Variants in NDUFAF2 observed in about 807,000 individuals in gnomAD.
NDUFAF2 encodes the protein NADH dehydrogenase [ubiquinone] 1 alpha subcomplex assembly factor 2.
Under a neutral mutation model 22.8 loss-of-function variants are expected in NDUFAF2, and 13 were observed. The observed-to-expected ratio is 0.57, with a 90% CI of 0.37 to 0.91. NDUFAF2 has a LOEUF of 0.91. Among genes scored for constraint, NDUFAF2 ranks in the 40% least tolerant of loss-of-function variants. The pLI is 0.01. For synonymous variants in NDUFAF2, 53 were observed against 64.2 expected, an observed-to-expected ratio of 0.83 and a Z score of 0.84; for missense variants, 162 against 195.2, an observed-to-expected ratio of 0.83 and a Z score of 1.01.
chr5:61,049,890 C>CACAT (rs1414541595), intron 1 of NDUFAF2, among the ~76,000 whole-genome samples: 2 of 148,840 alleles, frequency 1.3e-5, no homozygotes, highest in Non-Finnish European at 3.0e-5. Context: ...AAATTATACA[C>CACAT]ACACACACAC....
intron 1 of NDUFAF2, among the ~76,000 whole-genome samples, chr5:61,001,983 G>T (rs184597283): frequency 8.9e-4 from 135 of 152,202 alleles, no homozygotes; most frequent in African/African-American, 3.1e-3. Context: ...GAGAGGAAAG[G>T]GTTGGTAGGA....
chr5:61,003,549 A>G (rs964533512), intron 1 of NDUFAF2, among the ~76,000 whole-genome samples: 2 of 151,666 alleles, frequency 1.3e-5, no homozygotes, highest in African/African-American at 2.4e-5. Context: ...GCAGTCCCCT[A>G]TGTGAAATGT....
At chr5:60,947,286 T>C (rs1441987722) in intron 1 of NDUFAF2, among the ~76,000 whole-genome samples, 1 of 152,184 alleles carries the variant, frequency 6.6e-6, no homozygotes, top group Non-Finnish European at 1.5e-5. Context: ...CAGCACTTAG[T>C]ATTATCTGAT....
At chr5:60,973,184 C>A (rs1750858668) in intron 1 of NDUFAF2, among the ~76,000 whole-genome samples, 1 of 152,094 alleles carries the variant, frequency 6.6e-6, no homozygotes, top group South Asian at 2.1e-4. Context: ...GCTAAAGTTG[C>A]CCCAGTTAAC....
At chr5:60,976,887 AG>A (rs1317759121) in intron 1 of NDUFAF2, among the ~76,000 whole-genome samples, 1 of 152,198 alleles carries the variant, frequency 6.6e-6, no homozygotes, top group Non-Finnish European at 1.5e-5. Flanking sequence ...CATCAAAACC[AG>A]GGCCAGCTTC....
At chr5:61,049,952 G>T (rs1429179187) in intron 1 of NDUFAF2, among the ~76,000 whole-genome samples, 1 of 150,992 alleles carries the variant, frequency 6.6e-6, no homozygotes, top group Non-Finnish European at 1.5e-5. Context: ...GGACACTTGG[G>T]TTGTTTCCAT....
At chr5:61,118,079 T>G (rs1363892486) in intron 3 of NDUFAF2, among the ~76,000 whole-genome samples, 1 of 152,188 alleles carries the variant, frequency 6.6e-6, no homozygotes, top group Non-Finnish European at 1.5e-5. Context: ...ACTATCTACC[T>G]GAGAACTCTT....
At chr5:61,051,258 C>T (rs1407742839) in intron 1 of NDUFAF2, among the ~76,000 whole-genome samples, 1 of 152,088 alleles carries the variant, frequency 6.6e-6, no homozygotes, top group Non-Finnish European at 1.5e-5. Flanking sequence ...TTTCTCTTTA[C>T]TTCACAATTC....
chr5:61,141,255 T>C (rs1325159109), intron 3 of NDUFAF2, among the ~76,000 whole-genome samples: 1 of 151,810 alleles, frequency 6.6e-6, no homozygotes. Context: ...TTAATAATAA[T>C]AATAATAATT....
chr5:61,127,954 G>A (rs1220433780), intron 3 of NDUFAF2, among the ~76,000 whole-genome samples: 1 of 152,100 alleles, frequency 6.6e-6, no homozygotes, highest in Non-Finnish European at 1.5e-5. Context: ...CAAAGTCTCA[G>A]GATATAAAAT....
chr5:60,986,111 G>T (rs757170493), intron 1 of NDUFAF2, among the ~76,000 whole-genome samples: 1 of 152,028 alleles, frequency 6.6e-6, no homozygotes, highest in Non-Finnish European at 1.5e-5. Context: ...TAAAAATAGG[G>T]CTACCATGTG....
intron 3 of NDUFAF2, among the ~76,000 whole-genome samples, chr5:61,107,090 C>CACACACACACACACACACACACACAT (rs918380662): frequency 7.5e-5 from 11 of 146,170 alleles, no homozygotes; most frequent in African/African-American, 2.4e-4. Context: ...CACACACACA[C>CACACACACACACACACACACACACAT]ATATATGCCT....
chr5:61,063,090 A>G (rs1273004507), intron 1 of NDUFAF2, among the ~76,000 whole-genome samples: 1 of 152,184 alleles, frequency 6.6e-6, no homozygotes, highest in Non-Finnish European at 1.5e-5. Context: ...GATGACAATT[A>G]CTATCATGAA....
At chr5:61,137,561 T>C (rs1740982767) in intron 3 of NDUFAF2, among the ~76,000 whole-genome samples, 1 of 152,176 alleles carries the variant, frequency 6.6e-6, no homozygotes, top group African/African-American at 2.4e-5. Context: ...AAGTATGAGA[T>C]TTAGCTAGCC....
intron 3 of NDUFAF2, among the ~76,000 whole-genome samples, chr5:61,132,231 G>T (rs184918261): frequency 3.4e-3 from 522 of 152,296 alleles, no homozygotes; most frequent in South Asian, 0.025. Context: ...ATCTCTCGAG[G>T]ATTTAGAACA....
chr5:61,004,573 T>G (rs1227787060), intron 1 of NDUFAF2, among the ~76,000 whole-genome samples: 1 of 152,128 alleles, frequency 6.6e-6, no homozygotes, highest in Non-Finnish European at 1.5e-5. Flanking sequence ...CATGAAAATA[T>G]GTATATTTGT....
intron 2 of NDUFAF2, among the ~76,000 whole-genome samples, chr5:61,090,638 T>C (rs562047292): frequency 1.3e-5 from 2 of 152,198 alleles, no homozygotes; most frequent in African/African-American, 4.8e-5. Context: ...AAAAGGAAGC[T>C]GTTTTCTAGA....
intron 1 of NDUFAF2, among the ~76,000 whole-genome samples, chr5:61,000,662 C>G (rs1399310649): frequency 1.3e-5 from 2 of 150,254 alleles, no homozygotes; most frequent in African/African-American, 4.9e-5. Context: ...TTAAGAAGAC[C>G]TGGAACTCCT....
At chr5:61,116,557 A>G (rs1002071504) in intron 3 of NDUFAF2, 7 of 152,220 alleles carry the variant, frequency 4.6e-5, no homozygotes, top group South Asian at 2.1e-4. Context: ...TTAGAGGACT[A>G]GTAATACTAG....
Sources: allele counts gnomAD v4.1 joint callset (sites outside exome capture counted in the v4.1 genomes callset), GRCh38; gene constraint gnomAD v4.1.1; transcripts MANE v1.5; gene names NCBI Gene and HGNC (gene_info 2026-07-23, HGNC 2026-07-21).